Variants in PCLO observed in about 807,000 individuals in gnomAD.
PCLO encodes piccolo presynaptic cytomatrix protein.
A neutral mutation model predicts 427.5 loss-of-function variants in PCLO; 82 were observed. The observed-to-expected ratio is 0.19, with a 90% CI of 0.16 to 0.23. The LOEUF (loss-of-function observed/expected upper bound fraction) is 0.23, where lower values mean the gene tolerates loss of function less well. Among genes scored for constraint, PCLO ranks in the 10% least tolerant of loss-of-function variants. PCLO has a pLI of 1.00. For missense variants in PCLO, 6,239 were observed against 6,115.9 expected (o/e 1.02, Z -0.67); for synonymous variants, 2,357 against 2,155.4 (o/e 1.09, Z -2.59).
At chr7:82,902,227 C>T (rs1794060350) in intron 9 of PCLO, among the ~76,000 whole-genome samples, 1 of 151,260 alleles carries the variant, frequency 6.6e-6, no homozygotes, top group South Asian at 2.1e-4. Flanking sequence ...ACATATACAC[C>T]ATGGAATACT....
chr7:83,131,008 A>G (rs1375475733), intron 3 of PCLO, among the ~76,000 whole-genome samples: 2 of 152,216 alleles, frequency 1.3e-5, no homozygotes, highest in African/African-American at 4.8e-5. Context: ...AATATCCATT[A>G]TGAGTAATTC....
intron 10 of PCLO, among the ~76,000 whole-genome samples, chr7:82,857,990 G>C (rs1467920795): frequency 6.6e-6 from 1 of 152,042 alleles, no homozygotes; most frequent in African/African-American, 2.4e-5. Flanking sequence ...GTATTACCCT[G>C]ATACCAAGGC....
At chr7:83,011,624 A>C (rs1788079627) in intron 3 of PCLO, among the ~76,000 whole-genome samples, 1 of 152,086 alleles carries the variant, frequency 6.6e-6, no homozygotes, top group South Asian at 2.1e-4. Context: ...AACAAATCCT[A>C]AGAGAATTTT....
chr7:82,825,639 C>T (rs1162731122), intron 18 of PCLO, among the ~76,000 whole-genome samples: 1 of 147,376 alleles, frequency 6.8e-6, no homozygotes, highest in Non-Finnish European at 1.5e-5. Context: ...ATATATTATA[C>T]ATAATATGTA....
rs927632510 is a variant in PCLO at position 83,103,383 on chromosome 7, T to C, written c.3300+30867A>G. ...AGTGCTTACAACAGTGGCCAGAATA[T>C]AAGAAGCATGATATAAAATTTTGAC... On this transcript the variant is annotated intron_variant, in intron 3 of 24. Coordinates refer to ENST00000333891, the MANE Select transcript of PCLO (RefSeq NM_033026.6). Among the ~76,000 whole-genome samples the C allele has an allele frequency of 2.6e-5, 4 of 151,868 alleles. No homozygotes were observed. The East Asian group carries it at 5.8e-4, about 22-fold the overall frequency.
At chr7:83,137,007 A>G (rs1434607669) in intron 2 of PCLO, among the ~76,000 whole-genome samples, 2 of 152,146 alleles carry the variant, frequency 1.3e-5, no homozygotes, top group Admixed American at 6.5e-5. Context: ...AACGTTCTCC[A>G]CCCAAGGTAA....
rs1241335301 is a variant in PCLO, at chr7:83,162,298, G to A, written c.248+47C>T. ...ATACAGGCTGGCACATATGTGCACG[G>A]GAAGCTGTACATATATGCCCGGACA... On this transcript the variant is annotated intron_variant, in intron 1 of 24. Coordinates refer to ENST00000333891, the MANE Select transcript of PCLO (RefSeq NM_033026.6). 2.6e-6 allele frequency: 4 copies of A among 1,532,372 alleles called. No homozygotes were observed. The South Asian group carries it at 4.9e-5, about 19-fold the overall frequency. The allele number at this position is 1,532,372 out of a possible 1,614,324, so 94.9% of individuals were successfully genotyped here. A position where few individuals can be genotyped will look rare whatever the true frequency, so the allele number is the denominator to read the frequency against.
intron 3 of PCLO, among the ~76,000 whole-genome samples, chr7:83,019,751 C>G (rs1243610421): frequency 6.6e-6 from 1 of 152,024 alleles, no homozygotes; most frequent in African/African-American, 2.4e-5. Context: ...CTATGAAGCA[C>G]TGTGTTGTTT....
At chr7:83,143,682 A>T (rs1371040319) in intron 2 of PCLO, among the ~76,000 whole-genome samples, 1 of 151,722 alleles carries the variant, frequency 6.6e-6, no homozygotes, top group Non-Finnish European at 1.5e-5. Context: ...TCACCAAAGC[A>T]CAATTTGTAA....
chr7:82,788,955 A>G (rs1474651937), intron 22 of PCLO, among the ~76,000 whole-genome samples: 1 of 152,054 alleles, frequency 6.6e-6, no homozygotes, highest in African/African-American at 2.4e-5. Flanking sequence ...CAATCATTCT[A>G]TCTCATTCTG....
At chr7:83,111,973 CA>C (rs1231181927) in intron 3 of PCLO, among the ~76,000 whole-genome samples, 3 of 152,080 alleles carry the variant, frequency 2.0e-5, no homozygotes, top group Non-Finnish European at 2.9e-5. Context: ...ATCTATCTGT[CA>C]AAAAGTATAT....
At chr7:83,084,244 G>A (rs1205541083) in intron 3 of PCLO, among the ~76,000 whole-genome samples, 3 of 151,836 alleles carry the variant, frequency 2.0e-5, no homozygotes, top group Non-Finnish European at 2.9e-5. Context: ...TGGACTTGGA[G>A]GTAGTGTGAA....
chr7:82,778,579 C>T (rs1034073303), intron 22 of PCLO, among the ~76,000 whole-genome samples: 1 of 152,008 alleles, frequency 6.6e-6, no homozygotes, highest in Non-Finnish European at 1.5e-5. Context: ...TATTATTTGG[C>T]CATCAGATAG....
chr7:83,050,221 A>AAAAAAAAAAAAACAAAAAC (rs1789204490), intron 3 of PCLO, among the ~76,000 whole-genome samples: 2 of 93,882 alleles, frequency 2.1e-5, no homozygotes, highest in Non-Finnish European at 4.5e-5. Flanking sequence ...AAAAAAAAAA[A>AAAAAAAAAAAAACAAAAAC]AAAAAAAAAA....
At chr7:82,977,780 T>C (rs552941394) in intron 3 of PCLO, among the ~76,000 whole-genome samples, 4 of 152,278 alleles carry the variant, frequency 2.6e-5, no homozygotes, top group South Asian at 4.1e-4. Context: ...CCATGAGCCA[T>C]TGATCCAATT....
At chr7:82,776,784 G>T (rs1406121387) in intron 22 of PCLO, among the ~76,000 whole-genome samples, 1 of 151,634 alleles carries the variant, frequency 6.6e-6, no homozygotes, top group African/African-American at 2.4e-5. Flanking sequence ...GACACAGCGA[G>T]ACTCCATCTC....
At chr7:82,990,557 A>G (rs1036484906) in intron 3 of PCLO, among the ~76,000 whole-genome samples, 3 of 152,176 alleles carry the variant, frequency 2.0e-5, no homozygotes, top group Non-Finnish European at 2.9e-5. Context: ...TTGGTTACAG[A>G]CAAATAATTA....
Position 82,908,932 on chromosome 7 carries a change from C to G in PCLO, c.13382G>C (p.Arg4461Pro). 3 of 1,612,860 alleles carry G rather than the reference C, an allele frequency of 1.9e-6. No individual in the cohort carries two copies. The highest frequency in any genetic ancestry group is 2.5e-6 in the Non-Finnish European group (3 of 1,179,172). Residue 4461 changes from arginine to proline, a missense_variant, in exon 8 of 25, where the codon CGA (arginine) becomes CCA (proline). Coordinates refer to ENST00000333891, the MANE Select transcript of PCLO (RefSeq NM_033026.6). ...GTGGACCAATCTTTCCGGCAGTTTT[C>G]GGTCCAGACCATGTCCATTTTCCAA... ...SRLENGHGLDRKLPERLVHSR... is the reference protein window; with the variant it reads ...SRLENGHGLDPKLPERLVHSR...
At chr7:82,793,006 C>CTT (rs367844233) in intron 22 of PCLO, among the ~76,000 whole-genome samples, 2,008 of 147,416 alleles carry the variant, frequency 0.014, 47 homozygotes, top group African/African-American at 0.047. Context: ...TTATTAATTG[C>CTT]TTTTTTTTTT....
Sources: gnomAD v4.1 joint callset for allele counts (sites outside exome capture counted in the v4.1 genomes callset) on GRCh38, gnomAD v4.1.1 for gene constraint, MANE v1.5 for transcripts, NCBI Gene and HGNC (gene_info 2026-07-23, HGNC 2026-07-21) for gene names.